TNS3: variants seen among roughly 807,000 people sequenced by gnomAD.
TNS3 encodes the protein tensin-3.
A neutral mutation model predicts 140.9 loss-of-function variants in TNS3; 45 were observed. The ratio of observed to expected loss-of-function variants is 0.32; its 90% confidence interval spans 0.25 to 0.41. The LOEUF is 0.41. TNS3 is among the 10% of genes least tolerant of loss of function. TNS3 has a pLI of 1.00. For synonymous variants in TNS3, 815 were observed against 788.4 expected (o/e 1.03, Z -0.56); for missense variants, 1,716 against 1,906.7 (o/e 0.90, Z 1.86).
At chr7:47,501,821 T>C (rs2964965) in intron 3 of TNS3, among the ~76,000 whole-genome samples, 141,299 of 152,208 alleles carry the variant, frequency 0.93, 66,228 homozygotes, top group East Asian at 1. Context: ...AGAGCCTTCA[T>C]GGGGAAGAAG....
intron 3 of TNS3, among the ~76,000 whole-genome samples, chr7:47,502,420 G>A (rs996550521): frequency 3.4e-4 from 51 of 152,214 alleles, no homozygotes; most frequent in Non-Finnish European, 7.5e-4. Flanking sequence ...GACAGTTTCT[G>A]AAGAAGCCAT....
intron 2 of TNS3, 129 bp from the exon 3 acceptor site, chr7:47,507,073 A>G: frequency 1.5e-6 from 1 of 671,916 alleles, no homozygotes; most frequent in Non-Finnish European, 2.2e-6. Flanking sequence ...TCTCTCTGGC[A>G]CGAGAGAGAT....
chr7:47,315,628 C>G (rs959598461), intron 20 of TNS3, among the ~76,000 whole-genome samples: 1 of 152,212 alleles, frequency 6.6e-6, no homozygotes. Context: ...GGGGCTCAGG[C>G]AGGGCCACTG....
intron 1 of TNS3, among the ~76,000 whole-genome samples, chr7:47,575,534 G>A (rs9639983): frequency 0.29 from 43,533 of 152,020 alleles, 7,666 homozygotes; most frequent in East Asian, 0.54. Flanking sequence ...GCAAAGATAC[G>A]GCCGGGCGCG....
chr7:47,393,557 C>T (rs1167089696), intron 16 of TNS3, among the ~76,000 whole-genome samples: 1 of 152,086 alleles, frequency 6.6e-6, no homozygotes, highest in African/African-American at 2.4e-5. Flanking sequence ...CTGAGTCCTC[C>T]CCTGTCACTC....
intron 21 of TNS3, among the ~76,000 whole-genome samples, chr7:47,304,121 A>G (rs1193587298): frequency 6.6e-6 from 1 of 152,192 alleles, no homozygotes; most frequent in Non-Finnish European, 1.5e-5. Context: ...TCCTCGCAGC[A>G]TGATCCCTCT....
At chr7:47,278,378 C>CT (rs961113030) in intron 30 of TNS3, 158 bp from the exon 31 acceptor site, 19 of 754,970 alleles carry the variant, frequency 2.5e-5, no homozygotes, top group Non-Finnish European at 4.0e-5. Context: ...TGTTCATGCA[C>CT]TTTACCTCCA....
chr7:47,467,822 C>A (rs911954551), intron 4 of TNS3, among the ~76,000 whole-genome samples: 1 of 152,150 alleles, frequency 6.6e-6, no homozygotes. Flanking sequence ...TGAGCCTAGA[C>A]CCTGGCTCCT....
At chr7:47,511,012 T>C (rs1798588137) in intron 2 of TNS3, among the ~76,000 whole-genome samples, 1 of 152,216 alleles carries the variant, frequency 6.6e-6, no homozygotes, top group African/African-American at 2.4e-5. Flanking sequence ...TTCTGCGAAA[T>C]TGTCAGTGGA....
At chr7:47,442,300 G>A (rs1795504959) in intron 4 of TNS3, among the ~76,000 whole-genome samples, 1 of 152,198 alleles carries the variant, frequency 6.6e-6, no homozygotes, top group South Asian at 2.1e-4. Context: ...AGCCAGTGAG[G>A]CCACCCTCCA....
chr7:47,405,852 T>C (rs540508363), intron 13 of TNS3, among the ~76,000 whole-genome samples: 3 of 152,258 alleles, frequency 2.0e-5, no homozygotes, highest in South Asian at 2.1e-4. Context: ...GCAACACCTT[T>C]GTTTACAAGT....
intron 16 of TNS3, among the ~76,000 whole-genome samples, chr7:47,383,797 G>A (rs189801237): frequency 2.1e-4 from 32 of 152,240 alleles, no homozygotes; most frequent in African/African-American, 2.4e-5. Context: ...ACTGGTCACC[G>A]GAATGAAACC....
chr7:47,440,273 G>GA (rs1302742954), intron 5 of TNS3, among the ~76,000 whole-genome samples: 1 of 152,136 alleles, frequency 6.6e-6, no homozygotes, highest in Non-Finnish European at 1.5e-5. Context: ...GTGGAGAGGG[G>GA]ACCAGCTGGG....
At chr7:47,394,151 A>G (rs1792690720) in intron 16 of TNS3, among the ~76,000 whole-genome samples, 1 of 152,244 alleles carries the variant, frequency 6.6e-6, no homozygotes, top group Admixed American at 6.5e-5. Flanking sequence ...TTGCTTCTCT[A>G]ATCATTCATT....
intron 4 of TNS3, among the ~76,000 whole-genome samples, chr7:47,472,191 A>G (rs939948967): frequency 2.6e-5 from 4 of 152,206 alleles, no homozygotes; most frequent in African/African-American, 9.7e-5. Context: ...ATCAGGCCCA[A>G]TCTAATCCAG....
chr7:47,329,784 G>A (rs115456757), intron 20 of TNS3, among the ~76,000 whole-genome samples: 6 of 152,244 alleles, frequency 3.9e-5, no homozygotes, highest in African/African-American at 1.4e-4. Context: ...GCCCAGGAAG[G>A]GTGACTGTGA....
At chr7:47,547,134 A>AGAAGATAAAG (rs1211794463) in intron 1 of TNS3, among the ~76,000 whole-genome samples, 1 of 152,146 alleles carries the variant, frequency 6.6e-6, no homozygotes, top group African/African-American at 2.4e-5. Flanking sequence ...AAAGCCAAGG[A>AGAAGATAAAG]GGCAGTGGAC....
At chr7:47,565,650 C>A (rs1449759031) in intron 1 of TNS3, among the ~76,000 whole-genome samples, 1 of 152,192 alleles carries the variant, frequency 6.6e-6, no homozygotes, top group Non-Finnish European at 1.5e-5. Context: ...TATAGATAGG[C>A]ATGAGTCACT....
chr7:47,334,247 G>A (rs1181348068), intron 20 of TNS3, among the ~76,000 whole-genome samples: 1 of 152,182 alleles, frequency 6.6e-6, no homozygotes, highest in African/African-American at 2.4e-5. Context: ...GCAGAGAAGA[G>A]GCTGCATGCT....
Sources: allele counts gnomAD v4.1 joint callset (sites outside exome capture counted in the v4.1 genomes callset), GRCh38; gene constraint gnomAD v4.1.1; transcripts MANE v1.5; gene names NCBI Gene and HGNC (gene_info 2026-07-23, HGNC 2026-07-21).